Variants in RNLS observed in about 807,000 individuals in gnomAD.
RNLS encodes renalase, FAD dependent amine oxidase.
Under a neutral mutation model 39.8 loss-of-function variants are expected in RNLS, and 39 were observed. That is an observed-to-expected ratio of 0.98 (90% confidence interval 0.76 to 1.28). RNLS has a LOEUF of 1.28. Among genes scored for constraint, RNLS ranks in the 50% most tolerant of loss-of-function variants. RNLS has a pLI of 0.00. For missense variants in RNLS, 410 were observed against 413.3 expected, an observed-to-expected ratio of 0.99 and a Z score of 0.07; for synonymous variants, 147 against 150.7, an observed-to-expected ratio of 0.98 and a Z score of 0.18.
intron 4 of RNLS, among the ~76,000 whole-genome samples, chr10:88,515,820 T>A (rs1405170866): frequency 6.6e-6 from 1 of 151,992 alleles, no homozygotes; most frequent in South Asian, 2.1e-4. Context: ...ATGGGCTGAA[T>A]TGTGTCTCCC....
At chr10:88,351,474 T>A (rs2133290070) in intron 5 of RNLS, among the ~76,000 whole-genome samples, 1 of 152,346 alleles carries the variant, frequency 6.6e-6, no homozygotes, top group Non-Finnish European at 1.5e-5. Flanking sequence ...CAGCACCATT[T>A]GTTAAATAGG....
At chr10:88,295,904 A>G (rs1414456839) in intron 6 of RNLS, among the ~76,000 whole-genome samples, 1 of 152,164 alleles carries the variant, frequency 6.6e-6, no homozygotes, top group Non-Finnish European at 1.5e-5. Context: ...TTTGACGAGG[A>G]CTTGTTCAGA....
rs78338713 is a variant in RNLS at position 88,462,463 on chromosome 10, G to A, written c.527-99738C>T. ...CTTCTATGTTGATTTCATCTTTAAT[G>A]AACATTTATTGGATGTTTAATGTAT... On this transcript the variant is annotated intron_variant, in intron 4 of 6. Transcript: ENST00000331772. Among the ~76,000 whole-genome samples the A allele has an allele frequency of 7.9e-5, 12 of 151,968 alleles. No individual in the cohort carries two copies. The East Asian group carries it at 2.3e-3, about 29-fold the overall frequency.
At chr10:88,203,287 T>TACACACAC in the RNLS span, among the ~76,000 whole-genome samples, 26 of 13,378 alleles carry the variant, frequency 1.9e-3, 5 homozygotes, top group African/African-American at 9.3e-3. Flanking sequence ...TATATATATA[T>TACACACAC]ATACGTATGT....
chr10:88,487,242 C>A (rs921797769), intron 4 of RNLS, among the ~76,000 whole-genome samples: 1 of 152,032 alleles, frequency 6.6e-6, no homozygotes, highest in Non-Finnish European at 1.5e-5. Context: ...ATAAAATATA[C>A]CTATTGGGTA....
intron 4 of RNLS, among the ~76,000 whole-genome samples, chr10:88,409,736 G>A (rs1016345288): frequency 1.4e-4 from 22 of 152,110 alleles, no homozygotes; most frequent in Admixed American, 1.4e-3. Context: ...ATTAATGGCA[G>A]AGCTGAAATT....
At chr10:88,252,224 C>G in the RNLS span, among the ~76,000 whole-genome samples, 1 of 152,156 alleles carries the variant, frequency 6.6e-6, no homozygotes, top group African/African-American at 2.4e-5. Context: ...ATGTGCCATC[C>G]CCCACAACCC....
chr10:88,415,771 C>A (rs1853979465), intron 4 of RNLS, among the ~76,000 whole-genome samples: 1 of 152,198 alleles, frequency 6.6e-6, no homozygotes, highest in Non-Finnish European at 1.5e-5. Flanking sequence ...CACTGTAAAG[C>A]CTGTCTGTTC....
intron 5 of RNLS, among the ~76,000 whole-genome samples, chr10:88,345,577 T>G (rs1730089076): frequency 1.3e-5 from 2 of 152,180 alleles, no homozygotes; most frequent in Admixed American, 1.3e-4. Context: ...TTTATATAAC[T>G]AATGGACCAA....
chr10:88,325,031 C>T (rs966315575), intron 5 of RNLS, among the ~76,000 whole-genome samples: 1 of 152,146 alleles, frequency 6.6e-6, no homozygotes, highest in Non-Finnish European at 1.5e-5. Context: ...TCACAATTTG[C>T]TTATCCATTC....
chr10:88,251,430 A>C, the RNLS span, among the ~76,000 whole-genome samples: 1 of 152,250 alleles, frequency 6.6e-6, no homozygotes, highest in Non-Finnish European at 1.5e-5. Context: ...AATTTGAAAG[A>C]GCTCTTTTAT....
At chr10:88,308,196 C>T (rs182423512) in intron 6 of RNLS, among the ~76,000 whole-genome samples, 1 of 152,232 alleles carries the variant, frequency 6.6e-6, no homozygotes, top group Admixed American at 6.5e-5. Context: ...CCTAGGCAAT[C>T]CATTCTGGAC....
intron 4 of RNLS, among the ~76,000 whole-genome samples, chr10:88,375,192 A>G (rs1850880371): frequency 1.3e-5 from 2 of 152,102 alleles, no homozygotes. Flanking sequence ...TACCACAACA[A>G]CAGAACAAAA....
intron 4 of RNLS, among the ~76,000 whole-genome samples, chr10:88,501,863 A>G (rs548780084): frequency 4.6e-5 from 7 of 152,280 alleles, no homozygotes; most frequent in African/African-American, 7.2e-5. Flanking sequence ...TCATCCAGAC[A>G]AGAAATTTGT....
Position 88,343,402 on chromosome 10 carries a change from T to C in RNLS, c.700+19150A>G, listed in dbSNP as rs890616901. 2.3e-5 allele frequency: 9 copies of C among 390,230 alleles called. No individual in the cohort carries two copies. The Admixed American group carries it at 2.6e-4, about 11-fold the overall frequency. 24.2% of individuals were successfully genotyped at this position (390,230 alleles called of 1,614,324 possible). A position where few individuals can be genotyped will look rare whatever the true frequency, so the allele number is the denominator to read the frequency against. On this transcript the variant is annotated intron_variant, in intron 5 of 6. Transcript: ENST00000331772. ...ATTTTTGCCCAAAAAAGCTAGGAGATTGGTGGCTCCATTTTCAAAAATGGG... is the reference window on the plus strand; with the variant it reads ...ATTTTTGCCCAAAAAAGCTAGGAGACTGGTGGCTCCATTTTCAAAAATGGG...
intron 4 of RNLS, among the ~76,000 whole-genome samples, chr10:88,498,173 C>T (rs1363599590): frequency 6.6e-6 from 1 of 151,502 alleles, no homozygotes; most frequent in Non-Finnish European, 1.5e-5. Context: ...TGATCATCAC[C>T]AGTTAACATC....
At chr10:88,476,464 C>T (rs1055844635) in intron 4 of RNLS, among the ~76,000 whole-genome samples, 1 of 152,092 alleles carries the variant, frequency 6.6e-6, no homozygotes, top group African/African-American at 2.4e-5. Context: ...ATGCTGTATA[C>T]CCTTTAATCT....
At chr10:88,324,245 GAA>G (rs908586480) in intron 5 of RNLS, among the ~76,000 whole-genome samples, 1 of 149,702 alleles carries the variant, frequency 6.7e-6, no homozygotes, top group African/African-American at 2.5e-5. Context: ...CTACCCAAAG[GAA>G]AAAAAAATCA....
chr10:88,443,527 C>T (rs113900563), intron 4 of RNLS, among the ~76,000 whole-genome samples: 2,523 of 152,290 alleles, frequency 0.017, 26 homozygotes, highest in Non-Finnish European at 0.023. Flanking sequence ...ATCACCTCAC[C>T]CGGGAAGTGC....
Sources: gnomAD v4.1 joint callset for allele counts (sites outside exome capture counted in the v4.1 genomes callset) on GRCh38, gnomAD v4.1.1 for gene constraint, MANE v1.5 for transcripts, NCBI Gene and HGNC (gene_info 2026-07-23, HGNC 2026-07-21) for gene names.